The following RET variants were observed in gnomAD, a reference collection of about 807,000 sequenced individuals.
RET encodes proto-oncogene tyrosine-protein kinase receptor Ret.
In RET, 19 loss-of-function variants were observed where a neutral mutation model predicts 118.3. The ratio of observed to expected loss-of-function variants is 0.16; its 90% confidence interval spans 0.11 to 0.24. The LOEUF is 0.24. RET is among the 10% of genes least tolerant of loss of function. The probability of loss-of-function intolerance (pLI) is 1.00; values close to 1 mark genes in which losing one functional copy is unlikely to be tolerated. For synonymous variants in RET, 597 were observed against 644.1 expected, an observed-to-expected ratio of 0.93 and a Z score of 1.11; for missense variants, 1,219 against 1,502.1, an observed-to-expected ratio of 0.81 and a Z score of 3.12.
chr10:43,103,391 C>T (rs1228400762), intron 3 of RET, among the ~76,000 whole-genome samples: 9 of 151,982 alleles, frequency 5.9e-5, no homozygotes, highest in South Asian at 2.1e-4. Context: ...GGTGTGATGC[C>T]GGGATACGGG....
chr10:43,117,767 A>G (rs527592965), intron 12 of RET, among the ~76,000 whole-genome samples: 99 of 152,208 alleles, frequency 6.5e-4, no homozygotes, highest in Non-Finnish European at 9.6e-4. Context: ...AGAATAAGCC[A>G]GAATGTCAGG....
At chr10:43,108,970 T>G in intron 5 of RET, 61 bp from the exon 6 acceptor site, 2 of 1,502,992 alleles carry the variant, frequency 1.3e-6, no homozygotes, top group Non-Finnish European at 1.8e-6. Context: ...GGAAGAGGTG[T>G]GCTACACATG....
In RET at chr10:43,113,592, C is replaced by A. The variant is rs1468422135; in HGVS notation, c.1796C>A (p.Pro599His). ...GTTGGGGGACACGAGCCTGGGGAGC[C>A]CCGGGGGATTAAAGCTGGCTATGGC... The part of the protein sequence containing the change: ...SIVGGHEPGE[P>H]RGIKAGYGTC... Residue 599 changes from proline (P) to histidine (H), a missense_variant, in exon 10 of 20, where the codon CCC (proline) becomes CAC (histidine). Physicochemically the swap from Pro to His is moderately conservative, Grantham distance 77. Transcript: ENST00000355710. 6.2e-7 allele frequency: 1 copy of A among 1,611,690 alleles called. No individual in the cohort carries two copies. The highest frequency in any genetic ancestry group is 1.3e-5 in the African/African-American group (1 of 74,878).
At chr10:43,087,756 G>T (rs1159850492) in intron 1 of RET, among the ~76,000 whole-genome samples, 1 of 152,224 alleles carries the variant, frequency 6.6e-6, no homozygotes. Context: ...TGAGCCAGTG[G>T]TGGCCCTGTG....
chr10:43,116,287 A>C (rs1410578302), intron 11 of RET, among the ~76,000 whole-genome samples: 1 of 152,172 alleles, frequency 6.6e-6, no homozygotes, highest in East Asian at 1.9e-4. Flanking sequence ...CCTGGTGCTC[A>C]TTTAGTCCTG....
intron 1 of RET, among the ~76,000 whole-genome samples, chr10:43,084,304 G>A (rs1386304665): frequency 6.6e-6 from 1 of 152,188 alleles, no homozygotes; most frequent in African/African-American, 2.4e-5. Context: ...TTCCACAGTG[G>A]TTGAATTGTG....
chr10:43,098,956 T>G (rs1228470621), intron 1 of RET, among the ~76,000 whole-genome samples: 1 of 152,248 alleles, frequency 6.6e-6, no homozygotes, highest in Non-Finnish European at 1.5e-5. Flanking sequence ...TTTAAGTTTT[T>G]GGGAACTACC....
In RET at chr10:43,109,248, G is replaced by A; in HGVS notation, c.1263+18G>A. On this transcript the variant is annotated intron_variant, in intron 6 of 19. Coordinates refer to ENST00000355710, the MANE Select transcript of RET (RefSeq NM_020975.6). ...TTGCCCAGGTGAGCCCATACCTATT[G>A]CCTGTCTGGGGAAGATTGAAAGGCC... 4 of 1,609,940 alleles carry A rather than the reference G, an allele frequency of 2.5e-6. No individual in the cohort carries two copies. The highest frequency in any genetic ancestry group is 8.5e-7 in the Non-Finnish European group (1 of 1,179,324).
At chr10:43,126,744 C>T (rs773793231) in intron 19 of RET, 22 bp downstream of exon 19, 1 of 1,613,260 alleles carries the variant, frequency 6.2e-7, no homozygotes, top group Non-Finnish European at 8.5e-7. Flanking sequence ...CATGCATTTA[C>T]TAGATTCTAG....
chr10:43,128,785 A>G lies in RET; in HGVS notation c.*516A>G, dbSNP rs1368567398. The G allele has an allele frequency of 2.2e-5, 6 of 271,160 alleles. No homozygotes were observed. The highest frequency in any genetic ancestry group is 4.8e-5 in the Admixed American group (1 of 20,930). 16.8% of individuals were successfully genotyped at this position (271,160 alleles called of 1,614,324 possible). On this transcript the variant is annotated 3_prime_UTR_variant, in exon 20 of 20. Transcript: ENST00000355710. ...CGGGGGGGGCCTGGGGGTAGTGTCA[A>G]TGCCCCTCCAGGGCTGGAGGGGAAG...
chr10:43,078,432 A>G (rs1421250882), intron 1 of RET, among the ~76,000 whole-genome samples: 2 of 152,164 alleles, frequency 1.3e-5, no homozygotes. Flanking sequence ...CTGAGACTTC[A>G]TTTGTGTGAC....
chr10:43,102,545 C>T lies in RET; in HGVS notation c.541C>T (p.Pro181Ser). Residue 181 changes from proline to serine, a missense_variant, in exon 3 of 20, where the codon CCC becomes TCC. Transcript: ENST00000355710. ...RPSFRIRENR[P>S]PGTFHQFRLL... ...CTCCTTCCGCATTCGGGAGAACCGA[C>T]CCCCAGGCACCTTCCACCAGTTCCG... is the stretch of plus-strand genomic sequence containing the variant. 3 of 1,614,216 alleles carry T rather than the reference C, an allele frequency of 1.9e-6. No homozygotes were observed. Among genetic ancestry groups the T allele is most frequent in the Non-Finnish European group, 2.5e-6 (3 of 1,180,048 alleles).
At chr10:43,103,253 C>A (rs1341879088) in intron 3 of RET, among the ~76,000 whole-genome samples, 1 of 152,028 alleles carries the variant, frequency 6.6e-6, no homozygotes, top group Non-Finnish European at 1.5e-5. Flanking sequence ...GCTGGCAGGA[C>A]CTGACTTAGT....
At chr10:43,077,687 G>A (rs911223386) in intron 1 of RET, among the ~76,000 whole-genome samples, 3 of 152,200 alleles carry the variant, frequency 2.0e-5, no homozygotes, top group African/African-American at 4.8e-5. Context: ...TTTCGGGGCC[G>A]ACCTGGCGGA....
chr10:43,087,226 TCTC>T (rs952152882), intron 1 of RET, among the ~76,000 whole-genome samples: 53 of 152,224 alleles, frequency 3.5e-4, no homozygotes, highest in African/African-American at 1.2e-3. Flanking sequence ...GGGCCCCATC[TCTC>T]CTCCTCCTCA....
chr10:43,119,227 G>A (rs1838144798), intron 13 of RET, among the ~76,000 whole-genome samples: 1 of 152,206 alleles, frequency 6.6e-6, no homozygotes, highest in East Asian at 1.9e-4. Context: ...AGGCAAAAAG[G>A]CTTGGCGTCC....
chr10:43,110,733 G>T (rs1366498730), intron 6 of RET, among the ~76,000 whole-genome samples: 1 of 152,182 alleles, frequency 6.6e-6, no homozygotes, highest in Non-Finnish European at 1.5e-5. Context: ...CTGACCAGGG[G>T]ACACCAGGGC....
At chr10:43,120,497 C>A (rs1838191088) in intron 15 of RET, among the ~76,000 whole-genome samples, 1 of 152,254 alleles carries the variant, frequency 6.6e-6, no homozygotes, top group Non-Finnish European at 1.5e-5. Context: ...GCGGAACTAA[C>A]AGTCCTCTTC....
At chr10:43,109,898 C>T (rs566861911) in intron 6 of RET, among the ~76,000 whole-genome samples, 1 of 152,330 alleles carries the variant, frequency 6.6e-6, no homozygotes, top group Non-Finnish European at 1.5e-5. Flanking sequence ...CTCGTAAGCA[C>T]TTATTAAGTT....
Sources: gnomAD v4.1 joint callset for allele counts (sites outside exome capture counted in the v4.1 genomes callset) on GRCh38, gnomAD v4.1.1 for gene constraint, MANE v1.5 for transcripts, NCBI Gene and HGNC (gene_info 2026-07-23, HGNC 2026-07-21) for gene names.